Variants in CDH13 observed in about 807,000 individuals in gnomAD.
CDH13 encodes cadherin 13.
A neutral mutation model predicts 63.8 loss-of-function variants in CDH13; 24 were observed. The ratio of observed to expected loss-of-function variants is 0.38; its 90% CI spans 0.27 to 0.53. The LOEUF (loss-of-function observed/expected upper bound fraction) is 0.53, where lower values mean the gene tolerates loss of function less well. CDH13 is among the 20% of genes least tolerant of loss of function. CDH13 has a pLI of 0.85. For synonymous variants in CDH13, 503 were observed against 355.3 expected, an observed-to-expected ratio of 1.42 and a Z score of -4.67; for missense variants, 1,049 against 903.1, an observed-to-expected ratio of 1.16 and a Z score of -2.07.
At chr16:83,255,749 C>G (rs1906181837) in intron 5 of CDH13, among the ~76,000 whole-genome samples, 1 of 152,128 alleles carries the variant, frequency 6.6e-6, no homozygotes, top group Non-Finnish European at 1.5e-5. Context: ...GTGGATAGGA[C>G]TGGGTTCACA....
chr16:83,223,732 G>A (rs962533816), intron 5 of CDH13, among the ~76,000 whole-genome samples: 1 of 152,222 alleles, frequency 6.6e-6, no homozygotes, highest in Admixed American at 6.5e-5. Flanking sequence ...AGAGAGCTGG[G>A]TCAACATAGT....
chr16:83,151,510 CA>C (rs1220946505), intron 4 of CDH13, among the ~76,000 whole-genome samples: 11 of 152,120 alleles, frequency 7.2e-5, no homozygotes, highest in Non-Finnish European at 1.6e-4. Context: ...CAGTTAATAA[CA>C]AACCCAGAAC....
At chr16:83,322,915 A>G (rs1421476455) in intron 5 of CDH13, among the ~76,000 whole-genome samples, 1 of 152,082 alleles carries the variant, frequency 6.6e-6, no homozygotes, top group Non-Finnish European at 1.5e-5. Context: ...TTTAATTGAT[A>G]CTGAGTGTTT....
chr16:82,778,399 TG>T (rs1190364332), intron 1 of CDH13, among the ~76,000 whole-genome samples: 3 of 152,114 alleles, frequency 2.0e-5, no homozygotes, highest in Non-Finnish European at 4.4e-5. Flanking sequence ...TACAGAGTTT[TG>T]GATGGTGGGG....
intron 13 of CDH13, among the ~76,000 whole-genome samples, chr16:83,789,791 T>G (rs1251731122): frequency 6.6e-6 from 1 of 152,188 alleles, no homozygotes; most frequent in East Asian, 1.9e-4. Context: ...AGACCAAATC[T>G]GGTCTACTGC....
chr16:83,359,553 A>C (rs552739279), intron 6 of CDH13, among the ~76,000 whole-genome samples: 91 of 152,278 alleles, frequency 6.0e-4, no homozygotes, highest in South Asian at 2.3e-3. Flanking sequence ...CAGCTGTGTT[A>C]ATTTGAGCCT....
chr16:83,600,362 G>A (rs1042265200), intron 7 of CDH13, among the ~76,000 whole-genome samples: 1 of 152,208 alleles, frequency 6.6e-6, no homozygotes, highest in Non-Finnish European at 1.5e-5. Context: ...TGAAGTGGAG[G>A]GCCTTAACAA....
intron 5 of CDH13, among the ~76,000 whole-genome samples, chr16:83,325,951 T>A (rs1005517238): frequency 1.3e-5 from 2 of 152,150 alleles, no homozygotes; most frequent in Non-Finnish European, 2.9e-5. Flanking sequence ...ATATGTGATA[T>A]GCTCAGTAAA....
At chr16:83,576,024 C>G (rs963652304) in intron 7 of CDH13, among the ~76,000 whole-genome samples, 7 of 152,204 alleles carry the variant, frequency 4.6e-5, no homozygotes, top group Admixed American at 3.3e-4. Flanking sequence ...TAACATGAAA[C>G]TAACCATGTT....
chr16:83,443,864 G>T (rs2072576311), intron 6 of CDH13, among the ~76,000 whole-genome samples: 1 of 148,864 alleles, frequency 6.7e-6, no homozygotes, highest in Non-Finnish European at 1.5e-5. Context: ...GAGCCCAGGA[G>T]GTTGAGACTG....
At chr16:83,504,178 G>C (rs932680384) in intron 7 of CDH13, among the ~76,000 whole-genome samples, 1 of 152,176 alleles carries the variant, frequency 6.6e-6, no homozygotes. Flanking sequence ...CCCATGCCAA[G>C]GGTAAGGCTT....
At chr16:82,963,846 C>T (rs1055603159) in intron 2 of CDH13, among the ~76,000 whole-genome samples, 2 of 152,154 alleles carry the variant, frequency 1.3e-5, no homozygotes, top group African/African-American at 4.8e-5. Context: ...AGCCCTCATA[C>T]TCATGATCCT....
In CDH13 at chr16:82,758,835, G is replaced by A. The variant is rs868044623; in HGVS notation, c.46-99527G>A. 3.0e-4 allele frequency among the ~76,000 whole-genome samples: 46 copies of A among 152,310 alleles called. No individual in the cohort carries two copies. In the Middle Eastern group the frequency reaches 0.02, roughly 68 times the overall value. On this transcript the variant is annotated intron_variant, in intron 1 of 13. Transcript: ENST00000567109. ...CATGGCAGCCTGGTGTGTAACCATT[G>A]TTTGAGTTAGCATACTTCAGTTTTC...
At chr16:83,143,830 T>G (rs995090455) in intron 4 of CDH13, among the ~76,000 whole-genome samples, 1 of 152,078 alleles carries the variant, frequency 6.6e-6, no homozygotes, top group Non-Finnish European at 1.5e-5. Flanking sequence ...TTCCTCTGCC[T>G]GACTCTATTA....
chr16:83,206,023 C>T (rs896439287), intron 4 of CDH13, among the ~76,000 whole-genome samples: 10 of 152,066 alleles, frequency 6.6e-5, no homozygotes, highest in African/African-American at 2.4e-4. Context: ...GTGAGAACAG[C>T]CTTGTGCTGG....
chr16:82,851,462 A>T (rs2039483566), intron 1 of CDH13, among the ~76,000 whole-genome samples: 1 of 151,640 alleles, frequency 6.6e-6, no homozygotes, highest in Non-Finnish European at 1.5e-5. Flanking sequence ...AAAAAGAAAA[A>T]GAAAAAAGAA....
chr16:82,790,109 C>T (rs183364882), intron 1 of CDH13, among the ~76,000 whole-genome samples: 1 of 152,122 alleles, frequency 6.6e-6, no homozygotes, highest in East Asian at 1.9e-4. Context: ...ATGCCTACAC[C>T]CCCCCTCGCA....
chr16:82,875,444 T>A (rs2040472326), intron 2 of CDH13, among the ~76,000 whole-genome samples: 1 of 152,204 alleles, frequency 6.6e-6, no homozygotes. Context: ...TCCAAAGACC[T>A]GAATGACAAG....
At chr16:83,173,306 C>T (rs554641382) in intron 4 of CDH13, among the ~76,000 whole-genome samples, 1 of 152,108 alleles carries the variant, frequency 6.6e-6, no homozygotes, top group East Asian at 1.9e-4. Flanking sequence ...TCTATGTTCT[C>T]AAAAGTTTAG....
Sources: allele counts gnomAD v4.1 joint callset (sites outside exome capture counted in the v4.1 genomes callset), GRCh38; gene constraint gnomAD v4.1.1; transcripts MANE v1.5; gene names NCBI Gene and HGNC (gene_info 2026-07-23, HGNC 2026-07-21).